Variants in OXCT1 observed in about 807,000 individuals in gnomAD.
The protein encoded by OXCT1 is 3-oxoacid CoA-transferase 1.
Under a neutral mutation model 69.6 loss-of-function variants are expected in OXCT1, and 27 were observed. The observed-to-expected ratio is 0.39, with a 90% CI of 0.29 to 0.54. The LOEUF (loss-of-function observed/expected upper bound fraction) is 0.54. Ranked by LOEUF, OXCT1 falls within the 20% of genes least tolerant of loss-of-function variation. The pLI, the probability that OXCT1 is intolerant of heterozygous loss-of-function variation, is 0.72. For synonymous variants in OXCT1, 202 were observed against 217.8 expected (o/e 0.93, Z 0.64); for missense variants, 437 against 650.2 (o/e 0.67, Z 3.57).
chr5:41,785,389 G>A (rs1445872456), intron 13 of OXCT1, among the ~76,000 whole-genome samples: 1 of 152,176 alleles, frequency 6.6e-6, no homozygotes, highest in Non-Finnish European at 1.5e-5. Context: ...ATGCACCAAG[G>A]CTTAGCTGAA....
intron 13 of OXCT1, among the ~76,000 whole-genome samples, chr5:41,793,660 T>C (rs958703223): frequency 1.3e-5 from 2 of 152,242 alleles, no homozygotes; most frequent in Non-Finnish European, 2.9e-5. Flanking sequence ...AACTTGTTAA[T>C]TGTTCTTCCT....
chr5:41,781,000 G>A (rs1192083437), intron 13 of OXCT1, among the ~76,000 whole-genome samples: 1 of 151,790 alleles, frequency 6.6e-6, no homozygotes, highest in Non-Finnish European at 1.5e-5. Flanking sequence ...GCCTCCTGGG[G>A]TCACGCCATT....
rs368841359 is a variant in OXCT1, at chr5:41,840,506, C to A, written c.677G>T (p.Ser226Ile). The change falls in exon 7 of 17, where the codon AGT becomes ATT. Residue 226 changes from serine (S) to isoleucine (I), a missense_variant. This residue lies in a region of OXCT1 where 252 missense variants were observed against 397.4 expected (regional missense o/e 0.63). Coordinates refer to ENST00000196371, the MANE Select transcript of OXCT1 (RefSeq NM_000436.4). ...DRAGNVIFRK[S>I]ARNFNLPMCK... ...CATTGGCAAGTTGAAATTCCTTGCA[C>A]TTTTCCTACAGGGGTGGAGGAGATA... is the stretch of plus-strand genomic sequence containing the variant. 1 of 1,612,230 alleles carries A rather than the reference C, an allele frequency of 6.2e-7. No individual in the cohort carries two copies. The highest frequency in any genetic ancestry group is 1.7e-5 in the Admixed American group (1 of 59,988).
intron 7 of OXCT1, among the ~76,000 whole-genome samples, chr5:41,824,679 G>A (rs1747718684): frequency 6.6e-6 from 1 of 152,144 alleles, no homozygotes; most frequent in Admixed American, 6.5e-5. Context: ...CAGAAGCTGA[G>A]TTATAAAAAT....
At chr5:41,865,245 A>G (rs1194457580) in intron 1 of OXCT1, among the ~76,000 whole-genome samples, 1 of 152,164 alleles carries the variant, frequency 6.6e-6, no homozygotes, top group African/African-American at 2.4e-5. Context: ...CCTGCCCACA[A>G]ATAAAAGCAT....
At position 41,745,577 on chromosome 5, in the gene OXCT1, C is replaced by CA. The variant is rs1041470750; in HGVS notation, c.1419+3949dup. On this transcript the variant is annotated intron_variant, in intron 15 of 16. Coordinates refer to ENST00000196371, the MANE Select transcript of OXCT1 (RefSeq NM_000436.4). Reference sequence around the variant, plus strand: ...AGAGCAGAACTGAAGGAAATAGACACAAAAAACCCTTCAAAAAATCAGTGA... The same window carrying CA: ...AGAGCAGAACTGAAGGAAATAGACACAAAAAAACCCTTCAAAAAATCAGTGA... Among the ~76,000 whole-genome samples, 632 of 152,076 alleles carry CA rather than the reference C, an allele frequency of 4.2e-3. 3 individuals are homozygous for CA. The highest frequency in any genetic ancestry group is 0.015 in the African/African-American group (613 of 41,494).
chr5:41,805,830 A>G, intron 8 of OXCT1, 149 bp from the exon 9 acceptor site: 2 of 658,998 alleles, frequency 3.0e-6, no homozygotes, highest in Non-Finnish European at 5.4e-6. Flanking sequence ...AAAAAATACT[A>G]TGGGTGATAT....
intron 7 of OXCT1, among the ~76,000 whole-genome samples, chr5:41,825,135 C>A (rs1242715741): frequency 1.3e-5 from 2 of 152,108 alleles, no homozygotes; most frequent in African/African-American, 4.8e-5. Context: ...GAATTCTCTT[C>A]GAAGAACCCA....
chr5:41,835,102 G>A (rs942198288), intron 7 of OXCT1, among the ~76,000 whole-genome samples: 3 of 151,976 alleles, frequency 2.0e-5, no homozygotes, highest in Non-Finnish European at 4.4e-5. Flanking sequence ...GGGGGTGGGG[G>A]TAGGGATGAA....
intron 15 of OXCT1, among the ~76,000 whole-genome samples, chr5:41,745,047 G>A (rs567103074): frequency 7.2e-5 from 11 of 151,972 alleles, no homozygotes; most frequent in African/African-American, 2.7e-4. Flanking sequence ...TGCACCAAGC[G>A]GACCTAATAG....
intron 7 of OXCT1, 136 bp from the exon 8 acceptor site, chr5:41,807,574 T>C: frequency 1.5e-6 from 1 of 652,702 alleles, no homozygotes; most frequent in Non-Finnish European, 2.8e-6. Flanking sequence ...TATCTATGTA[T>C]GTATATGTAT....
In OXCT1 at chr5:41,805,645, T is replaced by G. The variant is rs1449665621; in HGVS notation, c.877A>C (p.Lys293Gln). ...ACGTCATCTCCAGGTTTAGCAGATT[T>G]GGCTTCCCCATCTCCCTCTTTCCGG... is the stretch of plus-strand genomic sequence containing the variant. ...SIRKEGDGEA[K>Q]SAKPGDDVRE... is the part of the protein sequence containing the mutation. The change falls in exon 9 of 17, where the codon AAA becomes CAA. Residue 293 changes from lysine to glutamine, a missense_variant. Physicochemically the swap from Lys to Gln is moderately conservative, Grantham distance 53. Around this residue, in one of 4 missense-constraint regions of OXCT1, gnomAD observed 252 missense variants for 397.4 expected, o/e 0.63. Coordinates refer to ENST00000196371, the MANE Select transcript of OXCT1 (RefSeq NM_000436.4). 6.2e-7 allele frequency: 1 copy of G among 1,612,802 alleles called. No homozygotes were observed. Among genetic ancestry groups the G allele is most frequent in the Non-Finnish European group, 8.5e-7 (1 of 1,179,170 alleles).
chr5:41,859,907 T>TATATATATATAC (rs1304074270), intron 3 of OXCT1, among the ~76,000 whole-genome samples: 8 of 138,478 alleles, frequency 5.8e-5, no homozygotes, highest in African/African-American at 1.9e-4. Context: ...TATATATATA[T>TATATATATATAC]ACACACACAC....
chr5:41,800,672 G>A (rs1295704887), intron 11 of OXCT1, among the ~76,000 whole-genome samples: 2 of 151,836 alleles, frequency 1.3e-5, no homozygotes, highest in African/African-American at 4.8e-5. Context: ...ATAACTCCCT[G>A]TGGAATTTCA....
intron 16 of OXCT1, 63 bp downstream of exon 16, chr5:41,739,324 CAAA>C (rs1743041887): frequency 9.6e-7 from 1 of 1,037,276 alleles, no homozygotes; most frequent in African/African-American, 1.6e-5. Context: ...TCATGTCCTG[CAAA>C]CACCCATTAA....
At chr5:41,813,994 ATTATAGTATCAATTTTTAGTCCAATCC>A (rs1277329176) in intron 7 of OXCT1, among the ~76,000 whole-genome samples, 2 of 152,094 alleles carry the variant, frequency 1.3e-5, no homozygotes, top group African/African-American at 4.8e-5. Flanking sequence ...CATGTTTGTC[ATTATAGTATCAATTTTTAGTCCAATCC>A]TAGGGTCACT....
chr5:41,867,774 A>G (rs1750065511), intron 1 of OXCT1, among the ~76,000 whole-genome samples: 1 of 152,236 alleles, frequency 6.6e-6, no homozygotes, highest in African/African-American at 2.4e-5. Context: ...GAGATTTGGG[A>G]AAAGACAGGG....
At chr5:41,776,724 T>C (rs1052832885) in intron 13 of OXCT1, among the ~76,000 whole-genome samples, 24 of 152,230 alleles carry the variant, frequency 1.6e-4, no homozygotes, top group Non-Finnish European at 3.4e-4. Flanking sequence ...TGAGTTAGTC[T>C]CTGAATAAAT....
At position 41,794,734 on chromosome 5, in the gene OXCT1, G is replaced by GT; in HGVS notation, c.1114dup (p.Thr372AsnfsTer13). On this transcript the variant is annotated frameshift_variant, in exon 12 of 17. Transcript: ENST00000196371. LOFTEE classifies it high-confidence loss of function. ...GAAAAAAGAGGCTCCTGGAAGAATA[G>GT]TAACTGTTTCCTTGCCTAAACACAC... is the stretch of plus-strand genomic sequence containing the variant. 1 of 1,613,612 alleles carries GT rather than the reference G, an allele frequency of 6.2e-7. No individual in the cohort carries two copies. Among genetic ancestry groups the GT allele is most frequent in the Non-Finnish European group, 8.5e-7 (1 of 1,179,976 alleles).
Sources: gnomAD v4.1 joint callset for allele counts (sites outside exome capture counted in the v4.1 genomes callset) on GRCh38, gnomAD v4.1.1 for gene constraint, gnomAD v4.1.1 regional missense constraint, MANE v1.5 for transcripts, NCBI Gene and HGNC (gene_info 2026-07-23, HGNC 2026-07-21) for gene names.